Variants in ADGRV1 observed in about 807,000 individuals in gnomAD.
The protein encoded by ADGRV1 is adhesion G protein-coupled receptor V1, also known as G-protein coupled receptor 98.
Under a neutral mutation model 596.2 loss-of-function variants are expected in ADGRV1, and 359 were observed. That is an observed-to-expected ratio of 0.60 (90% CI 0.55 to 0.66). The LOEUF (loss-of-function observed/expected upper bound fraction) is 0.66. Ranked by LOEUF, ADGRV1 falls within the 30% of genes least tolerant of loss-of-function variation. The pLI is 0.00. For synonymous variants in ADGRV1, 2,681 were observed against 2,679.2 expected, an observed-to-expected ratio of 1.00 and a Z score of -0.02; for missense variants, 7,274 against 7,575.6, an observed-to-expected ratio of 0.96 and a Z score of 1.48.
At chr5:91,079,268 C>CGTCT (rs1444469085) in intron 86 of ADGRV1, among the ~76,000 whole-genome samples, 1 of 152,196 alleles carries the variant, frequency 6.6e-6, no homozygotes, top group Admixed American at 6.5e-5. Flanking sequence ...CGTGAACAGA[C>CGTCT]ACTCCCACTC....
At chr5:90,623,487 C>T (rs1764355364) in intron 5 of ADGRV1, among the ~76,000 whole-genome samples, 1 of 152,130 alleles carries the variant, frequency 6.6e-6, no homozygotes, top group Non-Finnish European at 1.5e-5. Flanking sequence ...TCATGGCTCA[C>T]TGCAGCCTCA....
intron 57 of ADGRV1, among the ~76,000 whole-genome samples, chr5:90,758,407 G>A (rs1287744649): frequency 6.6e-6 from 1 of 152,156 alleles, no homozygotes; most frequent in East Asian, 1.9e-4. Flanking sequence ...CAAATACATT[G>A]ATTATTCATT....
intron 62 of ADGRV1, 59 bp downstream of exon 62, chr5:90,778,102 T>A: frequency 4.0e-6 from 6 of 1,497,800 alleles, no homozygotes; most frequent in Non-Finnish European, 5.4e-6. Context: ...TGTGTGCACA[T>A]GTGTGAGCAT....
intron 47 of ADGRV1, 31 bp from the exon 48 acceptor site, chr5:90,725,515 CCTT>C (rs766934720): frequency 8.8e-7 from 1 of 1,132,884 alleles, no homozygotes; most frequent in African/African-American, 1.5e-5. Context: ...GTTCAACTCT[CCTT>C]TAAGTTTTCA....
chr5:91,152,102 C>A (rs527589819), intron 88 of ADGRV1, among the ~76,000 whole-genome samples: 20 of 152,290 alleles, frequency 1.3e-4, no homozygotes, highest in Non-Finnish European at 2.4e-4. Context: ...TGTTGTGCAA[C>A]AGGAGAGCCT....
chr5:90,576,517 T>G (rs1757242564), intron 1 of ADGRV1, among the ~76,000 whole-genome samples: 1 of 152,194 alleles, frequency 6.6e-6, no homozygotes, highest in Admixed American at 6.5e-5. Context: ...CTATCACTGA[T>G]GGACATTTGG....
chr5:90,733,032 A>G (rs538080413), intron 50 of ADGRV1, among the ~76,000 whole-genome samples: 1 of 152,342 alleles, frequency 6.6e-6, no homozygotes, highest in South Asian at 2.1e-4. Context: ...TGTATAGAAT[A>G]TGCTGGATGA....
chr5:90,711,074 G>T lies in ADGRV1; in HGVS notation c.8903+15G>T, dbSNP rs1291758491. On this transcript the variant is annotated intron_variant, in intron 40 of 89. Transcript: ENST00000405460. ...CAACAAAGCAGGTAAGGCCAAGGCT[G>T]CATGAGAGCCCTCTTCTGGGTTTCA... The T allele has an allele frequency of 1.0e-5, 16 of 1,594,420 alleles. No homozygotes were observed. The highest frequency in any genetic ancestry group is 6.0e-6 in the Non-Finnish European group (7 of 1,167,080).
At position 90,840,678 on chromosome 5, in the gene ADGRV1, G is replaced by T. The variant is rs1173633060; in HGVS notation, c.16712G>T (p.Gly5571Val). The T allele has an allele frequency of 6.2e-7, 1 of 1,613,942 alleles. No individual in the cohort carries two copies. The highest frequency in any genetic ancestry group is 1.1e-5 in the South Asian group (1 of 91,076). ...ITEGTLVFEPGQRSTVLDVIL... is the reference protein window; with the variant it reads ...ITEGTLVFEPVQRSTVLDVIL... ...GAAGGCACATTGGTCTTTGAACCTG[G>T]CCAGAGAAGCACTGTATTGGATGTC... Residue 5571 changes from glycine to valine, a missense_variant, in exon 78 of 90, where the codon GGC becomes GTC. Around this residue, in one of 5 missense-constraint regions of ADGRV1, gnomAD observed 1,874 missense variants for 1,970.2 expected, o/e 0.95. Transcript: ENST00000405460.
intron 85 of ADGRV1, among the ~76,000 whole-genome samples, chr5:91,062,683 T>A (rs1787547785): frequency 6.6e-6 from 1 of 152,160 alleles, no homozygotes; most frequent in Non-Finnish European, 1.5e-5. Flanking sequence ...TTCTGCAACA[T>A]TCAGATTGCT....
At chr5:90,907,287 G>A (rs998161809) in intron 83 of ADGRV1, among the ~76,000 whole-genome samples, 1 of 152,022 alleles carries the variant, frequency 6.6e-6, no homozygotes. Context: ...TATCACTTTG[G>A]TTGGATTCAC....
intron 35 of ADGRV1, 43 bp from the exon 36 acceptor site, chr5:90,704,346 T>C: frequency 8.6e-7 from 1 of 1,167,718 alleles, no homozygotes; most frequent in Non-Finnish European, 1.2e-6. Context: ...ATAGTTCATA[T>C]TCAATAACGA....
intron 4 of ADGRV1, among the ~76,000 whole-genome samples, chr5:90,619,615 T>G (rs1359409763): frequency 6.6e-6 from 1 of 152,110 alleles, no homozygotes; most frequent in East Asian, 1.9e-4. Context: ...ATTATTATTA[T>G]TATACTTTAA....
chr5:90,624,518 G>A (rs1764487962), intron 5 of ADGRV1, among the ~76,000 whole-genome samples: 2 of 151,908 alleles, frequency 1.3e-5, no homozygotes, highest in South Asian at 4.2e-4. Context: ...GATTATTACT[G>A]CATACGTATA....
intron 11 of ADGRV1, among the ~76,000 whole-genome samples, chr5:90,640,369 G>A (rs1185392078): frequency 2.6e-5 from 4 of 152,166 alleles, no homozygotes; most frequent in Non-Finnish European, 5.9e-5. Context: ...TAGTTACACA[G>A]TTTTGTTTTT....
intron 87 of ADGRV1, among the ~76,000 whole-genome samples, chr5:91,142,730 A>T (rs1236734916): frequency 6.6e-6 from 1 of 152,252 alleles, no homozygotes; most frequent in East Asian, 1.9e-4. Context: ...GACGTCAAGA[A>T]CATTTATTAA....
intron 86 of ADGRV1, among the ~76,000 whole-genome samples, chr5:91,095,779 C>A (rs920232352): frequency 2.0e-5 from 3 of 151,864 alleles, no homozygotes; most frequent in Admixed American, 6.6e-5. Context: ...CCATTAATAT[C>A]TTTTTATTTA....
rs1195860449 is a variant in ADGRV1, at chr5:90,679,615, C to T, written c.5510C>T (p.Thr1837Ile). The change falls in exon 26 of 90, where the codon ACT becomes ATT. Residue 1837 changes from threonine to isoleucine, a missense_variant. Around this residue, in one of 5 missense-constraint regions of ADGRV1, gnomAD observed 3,643 missense variants for 3,809.2 expected, o/e 0.96. Transcript: ENST00000405460. ...GGGGACATGGAATTCTTCCTTCCAA[C>T]TATTCACAAACGTGGTAAGCAGTTT... Reference protein sequence around the residue: ...GDGDMEFFLPTIHKRASLGVA... With the variant: ...GDGDMEFFLPIIHKRASLGVA... The T allele has an allele frequency of 6.2e-7, 1 of 1,613,026 alleles. No homozygotes were observed. The highest frequency in any genetic ancestry group is 1.1e-5 in the South Asian group (1 of 91,008).
At chr5:90,833,156 A>T (rs1199753509) in intron 77 of ADGRV1, among the ~76,000 whole-genome samples, 1 of 152,002 alleles carries the variant, frequency 6.6e-6, no homozygotes, top group African/African-American at 2.4e-5. Context: ...TTTGATAAGG[A>T]TTGTGTTGAA....
Sources: allele counts gnomAD v4.1 joint callset (sites outside exome capture counted in the v4.1 genomes callset), GRCh38; gene constraint gnomAD v4.1.1; regional missense constraint gnomAD v4.1.1; transcripts MANE v1.5; gene names NCBI Gene and HGNC (gene_info 2026-07-23, HGNC 2026-07-21).